Variants in DHRSX observed in about 807,000 individuals in gnomAD.
The protein encoded by DHRSX is polyprenol dehydrogenase.
DHRSX carries 31 observed loss-of-function variants against 34.0 expected under a neutral mutation model. That is an observed-to-expected ratio of 0.91 (90% confidence interval 0.69 to 1.23). DHRSX has a LOEUF of 1.23. Among genes scored for constraint, DHRSX ranks in the 50% most tolerant of loss-of-function variants. The pLI is 0.00. For synonymous variants in DHRSX, 201 were observed against 183.8 expected (o/e 1.09, Z -0.76); for missense variants, 414 against 428.1 (o/e 0.97, Z 0.29).
chrX:2,286,250 C>G (rs2041804067), intron 4 of DHRSX, among the ~76,000 whole-genome samples: 1 of 152,220 alleles, frequency 6.6e-6, no homozygotes, highest in South Asian at 2.1e-4. Flanking sequence ...TGAATCCATT[C>G]TCAGTGCTGA....
chrX:2,430,196 G>T (rs1390096350), intron 1 of DHRSX, among the ~76,000 whole-genome samples: 1 of 144,758 alleles, frequency 6.9e-6, no homozygotes, highest in Non-Finnish European at 1.5e-5. Context: ...CCCTGAAAAC[G>T]CACAGTGAGC....
intron 1 of DHRSX, among the ~76,000 whole-genome samples, chrX:2,491,101 G>A (rs1325239389): frequency 1.7e-5 from 2 of 120,946 alleles, no homozygotes; most frequent in African/African-American, 6.3e-5. Context: ...ACAGAGTTTC[G>A]CTCTGTCACC....
intron 3 of DHRSX, among the ~76,000 whole-genome samples, chrX:2,336,152 C>T (rs768191240): frequency 1.1e-4 from 16 of 151,670 alleles, no homozygotes; most frequent in Non-Finnish European, 1.8e-4. Flanking sequence ...GGACTACAGG[C>T]GCCCGCCACC....
intron 3 of DHRSX, among the ~76,000 whole-genome samples, chrX:2,315,626 G>A (rs192495341): frequency 9.2e-5 from 14 of 152,108 alleles, no homozygotes; most frequent in South Asian, 4.2e-4. Flanking sequence ...GCTCTGCTGC[G>A]TAACAAAACG....
chrX:2,485,490 G>T (rs1438135322), intron 1 of DHRSX, among the ~76,000 whole-genome samples: 8 of 146,572 alleles, frequency 5.5e-5, no homozygotes, highest in Non-Finnish European at 1.2e-4. Context: ...AAGAGGGAGG[G>T]AGGAAGGAAA....
At chrX:2,227,437 C>T (rs751667710) in intron 6 of DHRSX, among the ~76,000 whole-genome samples, 2 of 137,932 alleles carry the variant, frequency 1.4e-5, no homozygotes, top group Non-Finnish European at 3.1e-5. Flanking sequence ...AGGAGTGACA[C>T]AGAGAGAGAG....
At chrX:2,371,047 T>C (rs1377638501) in intron 3 of DHRSX, among the ~76,000 whole-genome samples, 4 of 152,034 alleles carry the variant, frequency 2.6e-5, no homozygotes, top group Admixed American at 6.6e-5. Context: ...CATGGTGCTA[T>C]AGGCAGCGTC....
At chrX:2,447,935 C>G (rs56844422) in intron 1 of DHRSX, among the ~76,000 whole-genome samples, 40,904 of 146,710 alleles carry the variant, frequency 0.28, 6,143 homozygotes, top group South Asian at 0.4. Context: ...TGGCTTATGT[C>G]CGGAATCACA....
At chrX:2,321,464 G>A (rs1055406857) in intron 3 of DHRSX, among the ~76,000 whole-genome samples, 22 of 152,100 alleles carry the variant, frequency 1.4e-4, no homozygotes, top group African/African-American at 1.9e-4. Context: ...ATTTGGAGAC[G>A]GAGCCTTTGG....
Position 2,258,557 on chromosome X carries a change from C to T in DHRSX, c.596+8183G>A, listed in dbSNP as rs1030843943. Among the ~76,000 whole-genome samples the T allele has an allele frequency of 2.0e-5, 3 of 152,008 alleles. No individual in the cohort carries two copies. The East Asian group carries it at 5.8e-4, about 29-fold the overall frequency. On this transcript the variant is annotated intron_variant, in intron 5 of 6. Transcript: ENST00000334651. The stretch of plus-strand genomic sequence containing the variant: ...CAGGGAGAAGACGGTGTCTACAACC[C>T]AAGGAGAGAGGCCTCAGGAGGAGTC...
intron 2 of DHRSX, among the ~76,000 whole-genome samples, chrX:2,418,979 G>A (rs1445182682): frequency 6.6e-6 from 1 of 152,142 alleles, no homozygotes; most frequent in Non-Finnish European, 1.5e-5. Flanking sequence ...GATGTAAACA[G>A]ATCATGGAGG....
At chrX:2,450,307 T>C (rs150208190) in intron 1 of DHRSX, among the ~76,000 whole-genome samples, 9 of 152,196 alleles carry the variant, frequency 5.9e-5, no homozygotes, top group African/African-American at 2.2e-4. Flanking sequence ...AGAGCAATAT[T>C]ATTTCTTGAC....
intron 3 of DHRSX, among the ~76,000 whole-genome samples, chrX:2,345,078 C>T (rs1602979238): frequency 6.6e-6 from 1 of 151,662 alleles, no homozygotes; most frequent in African/African-American, 2.4e-5. Flanking sequence ...CACCTGATCA[C>T]AAGTCCCCTC....
intron 5 of DHRSX, among the ~76,000 whole-genome samples, chrX:2,256,521 C>T (rs865800521): frequency 1.9e-4 from 29 of 152,108 alleles, no homozygotes; most frequent in South Asian, 4.1e-4. Context: ...GTCTCGAACT[C>T]CTGACCTCAG....
chrX:2,340,469 T>C (rs931103594), intron 3 of DHRSX, among the ~76,000 whole-genome samples: 2 of 151,996 alleles, frequency 1.3e-5, no homozygotes, highest in Non-Finnish European at 1.5e-5. Flanking sequence ...TGTATATATA[T>C]ATATGATGTC....
intron 6 of DHRSX, 104 bp downstream of exon 6, chrX:2,242,919 T>C: frequency 3.5e-6 from 4 of 1,149,604 alleles, no homozygotes; most frequent in Non-Finnish European, 5.0e-6. Flanking sequence ...GAATTCTTTC[T>C]TGCACGAGAT....
intron 3 of DHRSX, among the ~76,000 whole-genome samples, chrX:2,318,192 GAAAAAAAAAA>G (rs559205251): frequency 1.3e-4 from 14 of 108,630 alleles, no homozygotes; most frequent in Admixed American, 6.9e-4. Context: ...CAAAAATACA[GAAAAAAAAAA>G]AAAAAAAAGC....
At chrX:2,500,784 C>T (rs1321826865) in intron 1 of DHRSX, 33 bp downstream of exon 1, 5 of 1,068,298 alleles carry the variant, frequency 4.7e-6, no homozygotes, top group Non-Finnish European at 4.6e-6. Context: ...ACCCGGGTCC[C>T]CGGAGCCCTG....
chrX:2,460,291 G>A (rs1476186027), intron 1 of DHRSX, among the ~76,000 whole-genome samples: 5 of 152,100 alleles, frequency 3.3e-5, no homozygotes, highest in Non-Finnish European at 7.4e-5. Context: ...CCATGGCAGG[G>A]CTCATCCTCC....
Sources: gnomAD v4.1 joint callset for allele counts (sites outside exome capture counted in the v4.1 genomes callset) on GRCh38, gnomAD v4.1.1 for gene constraint, MANE v1.5 for transcripts, NCBI Gene and HGNC (gene_info 2026-07-23, HGNC 2026-07-21) for gene names.